The following MALRD1 variants were observed in gnomAD, a reference collection of about 807,000 sequenced individuals.
MALRD1 encodes the protein MAM and LDL receptor class A domain containing 1.
Under a neutral mutation model 242.1 loss-of-function variants are expected in MALRD1, and 247 were observed. The observed-to-expected ratio is 1.02, with a 90% CI of 0.92 to 1.13. The LOEUF is 1.13. Among genes scored for constraint, MALRD1 ranks in the 50% most tolerant of loss-of-function variants. The probability of loss-of-function intolerance (pLI) is 0.00; values close to 1 mark genes in which losing one functional copy is unlikely to be tolerated. For missense variants in MALRD1, 2,989 were observed against 2,533.1 expected (o/e 1.18, Z -3.86); for synonymous variants, 995 against 866.6 (o/e 1.15, Z -2.60).
At chr10:19,488,338 T>C (rs2131204744) in intron 29 of MALRD1, among the ~76,000 whole-genome samples, 1 of 152,310 alleles carries the variant, frequency 6.6e-6, no homozygotes, top group African/African-American at 2.4e-5. Context: ...TAAGAACTTC[T>C]GGTTCTAAGG....
At chr10:19,576,998 G>A (rs1182350395) in intron 33 of MALRD1, among the ~76,000 whole-genome samples, 2 of 136,386 alleles carry the variant, frequency 1.5e-5, no homozygotes, top group African/African-American at 5.4e-5. Flanking sequence ...GCAAGAATGA[G>A]TGATCTTTAA....
intron 21 of MALRD1, among the ~76,000 whole-genome samples, chr10:19,293,145 C>T (rs897591202): frequency 1.3e-5 from 2 of 152,034 alleles, no homozygotes; most frequent in African/African-American, 4.8e-5. Flanking sequence ...TAACATTCTC[C>T]CAGCATAATT....
chr10:19,723,340 A>T (rs1834859117), intron 38 of MALRD1, among the ~76,000 whole-genome samples: 1 of 152,190 alleles, frequency 6.6e-6, no homozygotes, highest in Non-Finnish European at 1.5e-5. Flanking sequence ...AGGTTTTGAC[A>T]CTGAAGTTTT....
intron 18 of MALRD1, among the ~76,000 whole-genome samples, chr10:19,233,344 A>T (rs966993317): frequency 6.6e-6 from 1 of 152,124 alleles, no homozygotes; most frequent in African/African-American, 2.4e-5. Context: ...TCTACTAAAA[A>T]TACAAAAATT....
intron 35 of MALRD1, among the ~76,000 whole-genome samples, chr10:19,611,016 G>A (rs1034923590): frequency 9.2e-5 from 14 of 151,966 alleles, no homozygotes; most frequent in African/African-American, 3.1e-4. Flanking sequence ...GAACAAGATC[G>A]AGGAAACTAG....
At chr10:19,481,431 C>T (rs1301045650) in intron 29 of MALRD1, among the ~76,000 whole-genome samples, 2 of 152,142 alleles carry the variant, frequency 1.3e-5, no homozygotes, top group African/African-American at 2.4e-5. Context: ...AAATACTGGT[C>T]ATGTAATATC....
intron 25 of MALRD1, among the ~76,000 whole-genome samples, chr10:19,351,271 T>C (rs1844364177): frequency 6.6e-6 from 1 of 152,204 alleles, no homozygotes; most frequent in African/African-American, 2.4e-5. Context: ...GCTCCTAACC[T>C]GTCCTGTTCT....
chr10:19,368,811 G>A (rs979093227), intron 26 of MALRD1, among the ~76,000 whole-genome samples: 2 of 150,024 alleles, frequency 1.3e-5, no homozygotes, highest in South Asian at 2.1e-4. Flanking sequence ...TGTTTTCCTC[G>A]TAGACTTCAA....
chr10:19,088,287 G>C, intron 4 of MALRD1, 102 bp downstream of exon 4: 1 of 1,033,520 alleles, frequency 9.7e-7, no homozygotes, highest in African/African-American at 1.7e-5. Flanking sequence ...CAGTTTGCCA[G>C]GGACTGAGGG....
intron 21 of MALRD1, among the ~76,000 whole-genome samples, chr10:19,312,367 C>T (rs1218204859): frequency 7.2e-6 from 1 of 138,824 alleles, no homozygotes; most frequent in Admixed American, 7.3e-5. Context: ...GTACAGGGCA[C>T]AGAGGAATGT....
chr10:19,509,951 G>C (rs906270002), intron 31 of MALRD1, among the ~76,000 whole-genome samples: 6 of 152,090 alleles, frequency 3.9e-5, no homozygotes, highest in African/African-American at 9.7e-5. Context: ...CAGAGGATCC[G>C]CTCCAGCACC....
intron 2 of MALRD1, among the ~76,000 whole-genome samples, chr10:19,073,985 C>G (rs1211554482): frequency 6.6e-6 from 1 of 152,036 alleles, no homozygotes; most frequent in Admixed American, 6.6e-5. Flanking sequence ...AATGGTATTT[C>G]AAATGGAAAG....
At chr10:19,307,131 GTTTC>G (rs1395670702) in intron 21 of MALRD1, among the ~76,000 whole-genome samples, 1 of 151,400 alleles carries the variant, frequency 6.6e-6, no homozygotes, top group Non-Finnish European at 1.5e-5. Flanking sequence ...CAATATTATT[GTTTC>G]TTTAGTTGGG....
intron 26 of MALRD1, among the ~76,000 whole-genome samples, chr10:19,373,735 A>C (rs7075178): frequency 0.14 from 20,968 of 152,200 alleles, 1,463 homozygotes; most frequent in South Asian, 0.16. Flanking sequence ...TAGGCAAGAC[A>C]TAACAGTGTT....
At chr10:19,309,832 C>A (rs889097459) in intron 21 of MALRD1, among the ~76,000 whole-genome samples, 1 of 151,238 alleles carries the variant, frequency 6.6e-6, no homozygotes. Context: ...AGGGCCCAGG[C>A]GGGAAACAGC....
intron 38 of MALRD1, among the ~76,000 whole-genome samples, chr10:19,705,804 T>TAA (rs61437328): frequency 3.9e-5 from 4 of 102,876 alleles, no homozygotes; most frequent in Non-Finnish European, 5.3e-5. Context: ...CCTGCAATAG[T>TAA]AAAAAAAAAA....
At chr10:19,209,764 A>G in intron 18 of MALRD1, 84 bp downstream of exon 18, 3 of 1,315,704 alleles carry the variant, frequency 2.3e-6, no homozygotes, top group Non-Finnish European at 3.1e-6. Context: ...TTCTCTAATT[A>G]AAAGCAAGTG....
intron 36 of MALRD1, among the ~76,000 whole-genome samples, chr10:19,684,536 A>G (rs997204139): frequency 1.3e-5 from 2 of 152,128 alleles, no homozygotes; most frequent in Non-Finnish European, 2.9e-5. Context: ...CAGATGAACC[A>G]CTTGAGGCCA....
At chr10:19,729,560 GTGTGTGTACACA>G (rs1835190613) in intron 38 of MALRD1, among the ~76,000 whole-genome samples, 1 of 150,760 alleles carries the variant, frequency 6.6e-6, no homozygotes, top group Non-Finnish European at 1.5e-5. Flanking sequence ...TTATGTGTGT[GTGTGTGTACACA>G]TGTGTGTATA....
Sources: allele counts gnomAD v4.1 joint callset (sites outside exome capture counted in the v4.1 genomes callset), GRCh38; gene constraint gnomAD v4.1.1; transcripts MANE v1.5; gene names NCBI Gene and HGNC (gene_info 2026-07-23, HGNC 2026-07-21).